ATF6B: variants seen among roughly 807,000 people sequenced by gnomAD.
The protein encoded by ATF6B is activating transcription factor 6 beta.
In ATF6B, 50 loss-of-function variants were observed where a neutral mutation model predicts 83.5. The ratio of observed to expected loss-of-function variants is 0.60; its 90% CI spans 0.48 to 0.76. ATF6B has a LOEUF of 0.76. ATF6B is among the 30% of genes least tolerant of loss of function. The pLI is 0.00. For synonymous variants in ATF6B, 344 were observed against 362.8 expected, an observed-to-expected ratio of 0.95 and a Z score of 0.59; for missense variants, 790 against 893.8, an observed-to-expected ratio of 0.88 and a Z score of 1.48.
chr6:32,117,483 G>C lies in ATF6B; in HGVS notation c.1533-79C>G. The C allele has an allele frequency of 1.9e-6, 3 of 1,594,992 alleles. No individual in the cohort carries two copies. The highest frequency in any genetic ancestry group is 2.6e-6 in the Non-Finnish European group (3 of 1,166,882). ...CCTTGCCCACCCACAGGAGTGAGGA[G>C]AGGGCAGGGAGCACTGGCGCTTTAG... On this transcript the variant is annotated intron_variant, in intron 13 of 17. Coordinates refer to ENST00000375203, the MANE Select transcript of ATF6B (RefSeq NM_004381.5). This position sits in a 1 kb window ranked among gnomAD's most constrained non-coding sequence, Gnocchi z 5.0.
intron 6 of ATF6B, 42 bp from the exon 7 acceptor site, chr6:32,121,166 T>A (rs777029035): frequency 6.2e-7 from 1 of 1,609,446 alleles, no homozygotes; most frequent in African/African-American, 1.3e-5. Context: ...AGGAAGAGTG[T>A]CGAGGAGAAG....
At chr6:32,120,041 G>A in intron 8 of ATF6B, 84 bp from the exon 9 acceptor site, 2 of 1,496,588 alleles carry the variant, frequency 1.3e-6, no homozygotes, top group African/African-American at 1.4e-5. Context: ...CCCAAGGATT[G>A]GGCAGCCTCA....
chr6:32,119,905 C>G lies in ATF6B; in HGVS notation c.885G>C (p.Pro295=). ...TCTCAGGCCGTGGTAGAGAGGGAGCCGGCCCTTCAGGCTGGACTCGAATAG... is the reference window on the plus strand; with the variant it reads ...TCTCAGGCCGTGGTAGAGAGGGAGCGGGCCCTTCAGGCTGGACTCGAATAG... ...QGAIRVQPEG[P]APSLPRPERK... is the part of the protein sequence containing the mutation. The change falls in exon 9 of 18, where the codon CCG becomes CCC. Residue 295 remains proline, a synonymous_variant. Coordinates refer to ENST00000375203, the MANE Select transcript of ATF6B (RefSeq NM_004381.5). This position sits in a 1 kb window ranked among gnomAD's most constrained non-coding sequence, Gnocchi z 4.9. 6.2e-7 allele frequency: 1 copy of G among 1,614,070 alleles called. No homozygotes were observed. Among genetic ancestry groups the G allele is most frequent in the Non-Finnish European group, 8.5e-7 (1 of 1,180,024 alleles).
chr6:32,118,028 G>C lies in ATF6B; in HGVS notation c.1255C>G (p.Pro419Ala). The C allele has an allele frequency of 1.9e-6, 3 of 1,614,184 alleles. No individual in the cohort carries two copies. Among genetic ancestry groups the C allele is most frequent in the Non-Finnish European group, 2.5e-6 (3 of 1,180,038 alleles). ...FNFGPVSISE[P>A]PSAPISPRMN... ...CGAGGAGAGATGGGAGCTGAAGGAG[G>C]CTCACTGATGCTGTGGATAAAGAAG... Residue 419 changes from proline (P) to alanine (A), a missense_variant, in exon 12 of 18, where the codon CCT becomes GCT. Transcript: ENST00000375203. The surrounding 1 kb of genome is among the most constrained non-coding windows in gnomAD (Gnocchi z 5.2).
chr6:32,115,670 T>C lies in ATF6B; in HGVS notation c.*69A>G. 7.3e-7 allele frequency: 1 copy of C among 1,377,244 alleles called. No individual in the cohort carries two copies. The highest frequency in any genetic ancestry group is 1.4e-5 in the African/African-American group (1 of 69,014). The allele number at this position is 1,377,244 out of a possible 1,614,324, so 85.3% of individuals were successfully genotyped here. A position where few individuals can be genotyped will look rare whatever the true frequency, so the allele number is the denominator to read the frequency against. On this transcript the variant is annotated 3_prime_UTR_variant, in exon 18 of 18. Transcript: ENST00000375203. ...GCCCCAAGCCTGGGGATCAGGGAAA[T>C]TTGAAACAGTCCCACCTGGCCACCT...
intron 3 of ATF6B, 78 bp from the exon 4 acceptor site, chr6:32,127,272 G>A: frequency 7.0e-7 from 1 of 1,422,100 alleles, no homozygotes; most frequent in Non-Finnish European, 9.6e-7. Flanking sequence ...ACATGTCGGT[G>A]GGGATTCCTG....
intron 5 of ATF6B, among the ~76,000 whole-genome samples, chr6:32,122,461 C>A (rs1199006212): frequency 6.6e-6 from 1 of 152,164 alleles, no homozygotes. Context: ...ATTATATGAT[C>A]ACTAAGATTG....
rs535504298 is a variant in ATF6B at position 32,125,553 on chromosome 6, A to G, written c.478+564T>C. On this transcript the variant is annotated intron_variant, in intron 5 of 17. Coordinates refer to ENST00000375203, the MANE Select transcript of ATF6B (RefSeq NM_004381.5). This position sits in a 1 kb window ranked among gnomAD's most constrained non-coding sequence, Gnocchi z 4.1. ...GAGGTAGGCGACTCATGAGGTCAGG[A>G]GTTCAAGACCAGCCTGGCCAACATG... 6.6e-6 allele frequency among the ~76,000 whole-genome samples: 1 copy of G among 152,264 alleles called. No individual in the cohort carries two copies. The highest frequency in any genetic ancestry group is 1.9e-4 in the East Asian group (1 of 5,188).
chr6:32,121,730 G>A (rs1425579296), intron 5 of ATF6B, among the ~76,000 whole-genome samples: 2 of 152,040 alleles, frequency 1.3e-5, no homozygotes, highest in Admixed American at 6.6e-5. Context: ...GTTAAGATGG[G>A]GAAATGGGTC....
chr6:32,120,681 C>A, intron 8 of ATF6B, 90 bp downstream of exon 8: 1 of 1,474,782 alleles, frequency 6.8e-7, no homozygotes, highest in Non-Finnish European at 9.2e-7. Context: ...AAACTTCTGA[C>A]CTCAGGTGAT....
At chr6:32,124,274 T>C (rs1781878105) in intron 5 of ATF6B, among the ~76,000 whole-genome samples, 1 of 152,148 alleles carries the variant, frequency 6.6e-6, no homozygotes, top group African/African-American at 2.4e-5. Flanking sequence ...GCCCCTGCTT[T>C]TGCAGTCTCC....
intron 5 of ATF6B, among the ~76,000 whole-genome samples, chr6:32,122,688 A>C (rs1431170283): frequency 1.3e-5 from 2 of 151,590 alleles, no homozygotes; most frequent in Non-Finnish European, 2.9e-5. Flanking sequence ...CTCTACTAAA[A>C]AAATAGAAAA....
chr6:32,119,244 T>C lies in ATF6B; in HGVS notation c.967-103A>G. On this transcript the variant is annotated intron_variant, in intron 9 of 17. Coordinates refer to ENST00000375203, the MANE Select transcript of ATF6B (RefSeq NM_004381.5). This position sits in a 1 kb window ranked among gnomAD's most constrained non-coding sequence, Gnocchi z 4.9. ...ATTTACCCAAAGCTCACATGGCCATTCCCCTGCCTTCCTGACCCACCTACA... is the reference window on the plus strand; with the variant it reads ...ATTTACCCAAAGCTCACATGGCCATCCCCCTGCCTTCCTGACCCACCTACA... 7.5e-7 allele frequency: 1 copy of C among 1,340,148 alleles called. No homozygotes were observed. Among genetic ancestry groups the C allele is most frequent in the Non-Finnish European group, 1.0e-6 (1 of 999,066 alleles). The allele number at this position is 1,340,148 out of a possible 1,614,324, so 83.0% of individuals were successfully genotyped here. A position where few individuals can be genotyped will look rare whatever the true frequency, so the allele number is the denominator to read the frequency against.
Position 32,118,063 on chromosome 6 carries a change from C to G in ATF6B, c.1245-25G>C. On this transcript the variant is annotated intron_variant, in intron 11 of 17. Transcript: ENST00000375203. This position sits in a 1 kb window ranked among gnomAD's most constrained non-coding sequence, Gnocchi z 5.2. ...GCTGTGGATAAAGAAGGACTGAGCA[C>G]AATGAAGAATTTCAGCTGTATCAAG... The G allele has an allele frequency of 6.2e-7, 1 of 1,613,826 alleles. No homozygotes were observed. Among genetic ancestry groups the G allele is most frequent in the Non-Finnish European group, 8.5e-7 (1 of 1,179,840 alleles).
intron 5 of ATF6B, among the ~76,000 whole-genome samples, chr6:32,122,515 C>T (rs906116537): frequency 6.6e-6 from 1 of 152,020 alleles, no homozygotes; most frequent in African/African-American, 2.4e-5. Context: ...ATAATACAGT[C>T]ATGATACAAA....
At chr6:32,120,473 C>T (rs1026306709) in intron 8 of ATF6B, 2 of 142,618 alleles carry the variant, frequency 1.4e-5, no homozygotes, top group African/African-American at 6.6e-5. Flanking sequence ...TTTTTTGAGA[C>T]AAAGTCTCGC....
chr6:32,119,158 T>C lies in ATF6B; in HGVS notation c.967-17A>G, dbSNP rs1429967359. The C allele has an allele frequency of 1.3e-6, 2 of 1,596,978 alleles. No homozygotes were observed. Among genetic ancestry groups the C allele is most frequent in the Middle Eastern group, 2.2e-4 (1 of 4,616 alleles). The stretch of plus-strand genomic sequence containing the variant: ...CAGCTTTGCCTAGGCACCCGGAAGG[T>C]CAAAAAAGAATGACAGATGAGTTGG... On this transcript the variant is annotated splice_polypyrimidine_tract_variant and intron_variant, in intron 9 of 17. Coordinates refer to ENST00000375203, the MANE Select transcript of ATF6B (RefSeq NM_004381.5). This position sits in a 1 kb window ranked among gnomAD's most constrained non-coding sequence, Gnocchi z 4.9.
In ATF6B at chr6:32,118,096, G is replaced by A; in HGVS notation, c.1245-58C>T. On this transcript the variant is annotated intron_variant, in intron 11 of 17. Coordinates refer to ENST00000375203, the MANE Select transcript of ATF6B (RefSeq NM_004381.5). The surrounding 1 kb of genome is among the most constrained non-coding windows in gnomAD (Gnocchi z 5.2). The stretch of plus-strand genomic sequence containing the variant: ...AATTTCAGCTGTATCAAGTATCTAG[G>A]TAAGAATAAAGACTCTGCAGATGGA... 1 of 1,603,838 alleles carries A rather than the reference G, an allele frequency of 6.2e-7. No individual in the cohort carries two copies. The highest frequency in any genetic ancestry group is 8.5e-7 in the Non-Finnish European group (1 of 1,172,262).
intron 4 of ATF6B, among the ~76,000 whole-genome samples, chr6:32,126,895 A>C (rs534429840): frequency 5.3e-4 from 80 of 152,264 alleles, no homozygotes; most frequent in African/African-American, 1.9e-3. Flanking sequence ...AACAAACAAA[A>C]AAATCTTCAC....
Sources: allele counts gnomAD v4.1 joint callset (sites outside exome capture counted in the v4.1 genomes callset), GRCh38; gene constraint gnomAD v4.1.1; non-coding constraint Gnocchi (gnomAD v3.1); transcripts MANE v1.5; gene names NCBI Gene and HGNC (gene_info 2026-07-23, HGNC 2026-07-21).